RGS7BP: variants seen among roughly 807,000 people sequenced by gnomAD.
RGS7BP encodes the protein regulator of G protein signaling 7-binding protein.
Under a neutral mutation model 31.3 loss-of-function variants are expected in RGS7BP, and 9 were observed. That is an observed-to-expected ratio of 0.29 (90% CI 0.17 to 0.50). The LOEUF (loss-of-function observed/expected upper bound fraction) is 0.50, where lower values mean the gene tolerates loss of function less well. Ranked by LOEUF, RGS7BP falls within the 20% of genes least tolerant of loss-of-function variation. The pLI, the probability that RGS7BP is intolerant of heterozygous loss-of-function variation, is 0.98. For synonymous variants in RGS7BP, 115 were observed against 120.1 expected (o/e 0.96, Z 0.28); for missense variants, 274 against 322.0 (o/e 0.85, Z 1.14).
chr5:64,553,816 T>TA (rs1362521002), intron 2 of RGS7BP, among the ~76,000 whole-genome samples: 3 of 152,130 alleles, frequency 2.0e-5, no homozygotes, highest in African/African-American at 7.2e-5. Context: ...GTACAATGTA[T>TA]ACAAACACCC....
At chr5:64,554,083 C>T (rs1741863044) in intron 2 of RGS7BP, among the ~76,000 whole-genome samples, 1 of 152,184 alleles carries the variant, frequency 6.6e-6, no homozygotes, top group South Asian at 2.1e-4. Flanking sequence ...TGCCCTTCTC[C>T]ACCCTATATC....
chr5:64,532,822 C>A (rs150039803), intron 2 of RGS7BP, among the ~76,000 whole-genome samples: 7 of 151,944 alleles, frequency 4.6e-5, no homozygotes, highest in South Asian at 2.1e-4. Context: ...ATTTGGGTAG[C>A]GGAGGGCCTG....
chr5:64,590,396 G>T (rs1742881472), intron 3 of RGS7BP, among the ~76,000 whole-genome samples: 1 of 152,088 alleles, frequency 6.6e-6, no homozygotes, highest in Non-Finnish European at 1.5e-5. Flanking sequence ...CCAAGAAAAA[G>T]TGGTATACAA....
At position 64,551,631 on chromosome 5, in the gene RGS7BP, AGC is replaced by A. The variant is rs540816374; in HGVS notation, c.333-24142_333-24141del. On this transcript the variant is annotated intron_variant, in intron 2 of 5. Coordinates refer to ENST00000334025, the MANE Select transcript of RGS7BP (RefSeq NM_001029875.3). ...GTATTTAGAAAAAATATTTCAAATC[AGC>A]ACTTGACTATTAAGACCAAAGGGAT... is the stretch of plus-strand genomic sequence containing the variant. Among the ~76,000 whole-genome samples, 178 of 150,424 alleles carry A rather than the reference AGC, an allele frequency of 1.2e-3. 2 individuals carry two copies. The highest frequency in any genetic ancestry group is 4.3e-3 in the African/African-American group (172 of 39,834).
intron 3 of RGS7BP, among the ~76,000 whole-genome samples, chr5:64,594,490 A>C (rs1049469603): frequency 1.3e-5 from 2 of 152,172 alleles, no homozygotes; most frequent in African/African-American, 4.8e-5. Flanking sequence ...CATTGACCTC[A>C]AACTGTCTTT....
chr5:64,586,315 C>T (rs996485031), intron 3 of RGS7BP, among the ~76,000 whole-genome samples: 1 of 152,104 alleles, frequency 6.6e-6, no homozygotes, highest in African/African-American at 2.4e-5. Flanking sequence ...ATCCCCACCT[C>T]GCCTGCCCTT....
intron 3 of RGS7BP, among the ~76,000 whole-genome samples, chr5:64,587,500 G>C (rs564505740): frequency 6.6e-6 from 1 of 152,250 alleles, no homozygotes; most frequent in African/African-American, 2.4e-5. Context: ...TGGAACTGCT[G>C]TCAGGAAAAT....
chr5:64,525,859 T>C (rs1365053837), intron 2 of RGS7BP, among the ~76,000 whole-genome samples: 1 of 152,210 alleles, frequency 6.6e-6, no homozygotes, highest in South Asian at 2.1e-4. Flanking sequence ...CCATTTTTAT[T>C]TCATCATTTA....
chr5:64,526,502 A>C (rs1749234176), intron 2 of RGS7BP, among the ~76,000 whole-genome samples: 1 of 152,142 alleles, frequency 6.6e-6, no homozygotes. Flanking sequence ...TCTTTTCCTA[A>C]TTTGCAATCT....
intron 5 of RGS7BP, among the ~76,000 whole-genome samples, chr5:64,605,396 G>A (rs1743326337): frequency 6.6e-6 from 1 of 152,092 alleles, no homozygotes; most frequent in African/African-American, 2.4e-5. Flanking sequence ...CTCATAGGGT[G>A]GTTTTAGGAC....
At chr5:64,575,926 G>T (rs201578757) in intron 3 of RGS7BP, 22 bp downstream of exon 3, 28 of 1,596,916 alleles carry the variant, frequency 1.8e-5, no homozygotes, top group Non-Finnish European at 2.0e-5. Flanking sequence ...TAATATTGCC[G>T]GAAACACTGA....
Position 64,506,530 on chromosome 5 carries a change from C to T in RGS7BP, c.-95C>T. The T allele has an allele frequency of 8.6e-7, 1 of 1,164,088 alleles. No individual in the cohort carries two copies. The highest frequency in any genetic ancestry group is 1.2e-6 in the Non-Finnish European group (1 of 826,722). 72.1% of individuals were successfully genotyped at this position (1,164,088 alleles called of 1,614,324 possible). A position where few individuals can be genotyped will look rare whatever the true frequency, so the allele number is the denominator to read the frequency against. Reference sequence around the variant, plus strand: ...GTGAGCTGCGCGCCTCAGGTCCGGGCTCCGGCTGCTTGGCGGCGGCGCCCA... The same window carrying T: ...GTGAGCTGCGCGCCTCAGGTCCGGGTTCCGGCTGCTTGGCGGCGGCGCCCA... On this transcript the variant is annotated 5_prime_UTR_variant, in exon 1 of 6. Transcript: ENST00000334025. This position sits in a 1 kb window ranked among gnomAD's most constrained non-coding sequence, Gnocchi z 4.6.
chr5:64,542,046 C>A (rs1054737290), intron 2 of RGS7BP, among the ~76,000 whole-genome samples: 2 of 152,094 alleles, frequency 1.3e-5, no homozygotes, highest in Admixed American at 6.5e-5. Flanking sequence ...ATTTTCACAG[C>A]GCTATTTTTT....
intron 2 of RGS7BP, among the ~76,000 whole-genome samples, chr5:64,513,427 C>T (rs1367918308): frequency 6.6e-6 from 1 of 151,950 alleles, no homozygotes; most frequent in Non-Finnish European, 1.5e-5. Context: ...TTTTTTTGCC[C>T]TGATTTTTTC....
In RGS7BP at chr5:64,611,734, G is replaced by C. The variant is rs1475443721; in HGVS notation, c.*2482G>C. 2 of 152,236 alleles carry C rather than the reference G, an allele frequency of 1.3e-5. No homozygotes were observed. Among genetic ancestry groups the C allele is most frequent in the East Asian group, 3.9e-4 (2 of 5,134 alleles). The allele number at this position is 152,236 out of a possible 1,614,324, so 9.4% of individuals were successfully genotyped here. A position where few individuals can be genotyped will look rare whatever the true frequency, so the allele number is the denominator to read the frequency against. On this transcript the variant is annotated 3_prime_UTR_variant, in exon 6 of 6. Coordinates refer to ENST00000334025, the MANE Select transcript of RGS7BP (RefSeq NM_001029875.3). ...TTTCAGTAGCATATACTAAAATTAA[G>C]TTTAGTGCTCAAAACCCTGGTAACC...
chr5:64,594,071 G>T (rs188939602), intron 3 of RGS7BP, among the ~76,000 whole-genome samples: 1 of 152,304 alleles, frequency 6.6e-6, no homozygotes, highest in African/African-American at 2.4e-5. Flanking sequence ...GTAGTGCATT[G>T]CTGTGGACGG....
intron 3 of RGS7BP, among the ~76,000 whole-genome samples, chr5:64,586,504 T>C (rs1036687325): frequency 2.0e-5 from 3 of 152,240 alleles, no homozygotes; most frequent in Non-Finnish European, 2.9e-5. Context: ...AGATAACTTA[T>C]GAAGGTCATA....
chr5:64,537,537 G>C (rs1561326804), intron 2 of RGS7BP, among the ~76,000 whole-genome samples: 1 of 152,090 alleles, frequency 6.6e-6, no homozygotes, highest in African/African-American at 2.4e-5. Context: ...GTACCTGCTA[G>C]GGATGTTCAC....
At chr5:64,574,472 C>A (rs1361183226) in intron 2 of RGS7BP, among the ~76,000 whole-genome samples, 1 of 152,078 alleles carries the variant, frequency 6.6e-6, no homozygotes, top group Non-Finnish European at 1.5e-5. Context: ...ACCCACGAGA[C>A]ACAAATGAGA....
Sources: allele counts gnomAD v4.1 joint callset (sites outside exome capture counted in the v4.1 genomes callset), GRCh38; gene constraint gnomAD v4.1.1; non-coding constraint Gnocchi (gnomAD v3.1); transcripts MANE v1.5; gene names NCBI Gene and HGNC (gene_info 2026-07-23, HGNC 2026-07-21).